IL1RAPL2: variants seen among roughly 807,000 people sequenced by gnomAD.
The protein encoded by IL1RAPL2 is interleukin 1 receptor accessory protein like 2.
In IL1RAPL2, 3 loss-of-function variants were observed where a neutral mutation model predicts 44.1. The observed-to-expected ratio is 0.07, with a 90% CI of 0.03 to 0.18. The LOEUF (loss-of-function observed/expected upper bound fraction) is 0.18. Ranked by LOEUF, IL1RAPL2 falls within the 10% of genes least tolerant of loss-of-function variation. The pLI is 1.00. For missense variants in IL1RAPL2, 391 were observed against 496.4 expected (o/e 0.79, Z 2.02); for synonymous variants, 181 against 178.8 (o/e 1.01, Z -0.10).
chrX:105,510,575 C>T (rs1428050474), intron 6 of IL1RAPL2, among the ~76,000 whole-genome samples: 1 of 111,625 alleles, frequency 9.0e-6, no homozygotes, highest in African/African-American at 3.3e-5. Context: ...ACCTTCACGG[C>T]AAAGGTGAAT....
intron 1 of IL1RAPL2, among the ~76,000 whole-genome samples, chrX:104,626,237 TA>T (rs1929502428): frequency 1.8e-5 from 2 of 110,519 alleles, no homozygotes; most frequent in African/African-American, 6.6e-5. Context: ...GCTAAGTATA[TA>T]TATTGATTCT....
intron 6 of IL1RAPL2, among the ~76,000 whole-genome samples, chrX:105,627,276 A>G (rs2037459673): frequency 9.0e-6 from 1 of 111,694 alleles, no homozygotes; most frequent in South Asian, 3.7e-4. Context: ...TTATGATTAT[A>G]GATTTATTTC....
At chrX:105,258,596 T>C (rs1052883712) in intron 4 of IL1RAPL2, among the ~76,000 whole-genome samples, 1 of 112,186 alleles carries the variant, frequency 8.9e-6, no homozygotes, top group African/African-American at 3.2e-5. Flanking sequence ...CCTCTTTACA[T>C]AATCCCATAT....
intron 2 of IL1RAPL2, among the ~76,000 whole-genome samples, chrX:105,099,281 A>G (rs2032640887): frequency 9.1e-6 from 1 of 110,304 alleles, no homozygotes; most frequent in African/African-American, 3.3e-5. Flanking sequence ...GTAATTTACA[A>G]AGAAAAGAGA....
At chrX:105,761,260 CACGG>C (rs2038685988) in intron 10 of IL1RAPL2, among the ~76,000 whole-genome samples, 1 of 106,698 alleles carries the variant, frequency 9.4e-6, no homozygotes, top group Non-Finnish European at 1.9e-5. Context: ...CACACACACA[CACGG>C]CTAACTTAAC....
intron 1 of IL1RAPL2, among the ~76,000 whole-genome samples, chrX:104,630,150 A>AT (rs3056013): frequency 0.35 from 30,557 of 88,360 alleles, 4,521 homozygotes; most frequent in South Asian, 0.56. Flanking sequence ...CACCTGGATA[A>AT]TTTTTTTTTT....
chrX:105,177,413 TACAATGTA>T (rs1335149324), intron 2 of IL1RAPL2, among the ~76,000 whole-genome samples: 1 of 110,972 alleles, frequency 9.0e-6, no homozygotes, highest in African/African-American at 3.3e-5. Context: ...TATTATATAT[TACAATGTA>T]ACAATAATAA....
chrX:105,349,993 C>A (rs2035140359), intron 5 of IL1RAPL2, among the ~76,000 whole-genome samples: 1 of 112,301 alleles, frequency 8.9e-6, no homozygotes, highest in African/African-American at 3.2e-5. Context: ...GTCTGACTTA[C>A]AAAGCATGCT....
At chrX:104,579,823 G>A (rs1268051714) in intron 1 of IL1RAPL2, among the ~76,000 whole-genome samples, 1 of 111,502 alleles carries the variant, frequency 9.0e-6, no homozygotes, top group Non-Finnish European at 1.9e-5. Context: ...ACAATCTACT[G>A]GGGAGTTTTG....
intron 1 of IL1RAPL2, among the ~76,000 whole-genome samples, chrX:104,596,755 T>G (rs906374138): frequency 3.6e-5 from 4 of 111,171 alleles, no homozygotes; most frequent in African/African-American, 1.3e-4. Context: ...TTTGACCATT[T>G]TGGGGTGTTT....
chrX:105,587,616 A>C (rs2037138360), intron 6 of IL1RAPL2, among the ~76,000 whole-genome samples: 1 of 112,003 alleles, frequency 8.9e-6, no homozygotes, highest in Non-Finnish European at 1.9e-5. Flanking sequence ...TACACTATAA[A>C]TTTAGATTGA....
chrX:105,395,471 G>A lies in IL1RAPL2; in HGVS notation c.698-88842G>A, dbSNP rs372760631. ...TAATGAGGAAGAGATGATTTATTTC[G>A]TAAGAAAGAAAGGTGAGAAACAAAG... On this transcript the variant is annotated intron_variant, in intron 5 of 10. Coordinates refer to ENST00000372582, the MANE Select transcript of IL1RAPL2 (RefSeq NM_017416.2). Among the ~76,000 whole-genome samples the A allele has an allele frequency of 5.1e-3, 562 of 110,383 alleles. 5 individuals carry two copies. The highest frequency in any genetic ancestry group is 0.017 in the African/African-American group (523 of 30,424).
intron 2 of IL1RAPL2, among the ~76,000 whole-genome samples, chrX:104,800,677 T>C (rs1028553197): frequency 8.9e-6 from 1 of 112,844 alleles, no homozygotes; most frequent in African/African-American, 3.2e-5. Flanking sequence ...ACTTTTTTGA[T>C]ATTTAAGAAA....
At chrX:104,988,578 C>A (rs1390760735) in intron 2 of IL1RAPL2, among the ~76,000 whole-genome samples, 1 of 111,996 alleles carries the variant, frequency 8.9e-6, no homozygotes, top group African/African-American at 3.2e-5. Context: ...TACTCTCATT[C>A]CAGTTAAGGC....
At chrX:105,735,469 A>G (rs1336752553) in intron 7 of IL1RAPL2, among the ~76,000 whole-genome samples, 1 of 111,516 alleles carries the variant, frequency 9.0e-6, no homozygotes, top group Non-Finnish European at 1.9e-5. Flanking sequence ...GGTCATATGA[A>G]ATATATCCCA....
rs112562558 is a variant in IL1RAPL2 at position 104,848,147 on chromosome X, C to A, written c.82+189152C>A. ...AATCATGTCATCTGCAAACAGGGAC[C>A]ATTTGACTTCCTCTTTTCCTAATTG... On this transcript the variant is annotated intron_variant, in intron 2 of 10. Transcript: ENST00000372582. 1.8e-4 allele frequency among the ~76,000 whole-genome samples: 20 copies of A among 109,713 alleles called. No individual in the cohort carries two copies. The Admixed American group carries it at 2.0e-3, about 11-fold the overall frequency.
At chrX:104,646,645 C>G (rs1393491880) in intron 1 of IL1RAPL2, among the ~76,000 whole-genome samples, 1 of 111,947 alleles carries the variant, frequency 8.9e-6, no homozygotes, top group Non-Finnish European at 1.9e-5. Flanking sequence ...GCTAGAAGCT[C>G]TGCTCTGTGA....
chrX:104,759,348 G>A (rs1345109806), intron 2 of IL1RAPL2, among the ~76,000 whole-genome samples: 1 of 111,700 alleles, frequency 9.0e-6, no homozygotes, highest in African/African-American at 3.2e-5. Context: ...TATCATGGGG[G>A]TTGAAGTTAG....
chrX:104,580,743 C>T (rs1004936155), intron 1 of IL1RAPL2, among the ~76,000 whole-genome samples: 1 of 112,192 alleles, frequency 8.9e-6, no homozygotes, highest in Non-Finnish European at 1.9e-5. Flanking sequence ...AGGTTCTAAT[C>T]CTTGCCTGCC....
Sources: allele counts gnomAD v4.1 joint callset (sites outside exome capture counted in the v4.1 genomes callset), GRCh38; gene constraint gnomAD v4.1.1; transcripts MANE v1.5; gene names NCBI Gene and HGNC (gene_info 2026-07-23, HGNC 2026-07-21).